Variants in NAP1L1 observed in about 807,000 individuals in gnomAD.
NAP1L1 encodes the protein nucleosome assembly protein 1-like 1.
NAP1L1 carries 9 observed loss-of-function variants against 58.9 expected under a neutral mutation model. The ratio of observed to expected loss-of-function variants is 0.15; its 90% CI spans 0.09 to 0.27. The LOEUF (loss-of-function observed/expected upper bound fraction) is 0.27, where lower values mean the gene tolerates loss of function less well. Among genes scored for constraint, NAP1L1 ranks in the 10% least tolerant of loss-of-function variants. The probability of loss-of-function intolerance (pLI) is 1.00; values close to 1 mark genes in which losing one functional copy is unlikely to be tolerated. For synonymous variants in NAP1L1, 130 were observed against 138.3 expected (o/e 0.94, Z 0.42); for missense variants, 302 against 458.8 (o/e 0.66, Z 3.12).
At chr12:76,051,002 GAAA>G (rs57970257) in intron 11 of NAP1L1, among the ~76,000 whole-genome samples, 3 of 83,722 alleles carry the variant, frequency 3.6e-5, no homozygotes, top group African/African-American at 4.0e-5. Flanking sequence ...CTGGGCAACC[GAAA>G]AAAAAAAAAA....
Position 76,038,537 on chromosome 12 carries a change from T to G in NAP1L1, c.*9892A>C, listed in dbSNP as rs1948519882. 1 of 152,138 alleles carries G rather than the reference T, an allele frequency of 6.6e-6. No homozygotes were observed. The highest frequency in any genetic ancestry group is 6.6e-5 in the Admixed American group (1 of 15,266). The allele number at this position is 152,138 out of a possible 1,614,324, so 9.4% of individuals were successfully genotyped here. ...GACATATAGCAGTGAGTGTAGACAA[T>G]TCCTCCCAAAAACATGAGAATAAAG... On this transcript the variant is annotated 3_prime_UTR_variant, in exon 15 of 15. Transcript: ENST00000618691.
rs977875576 is a variant in NAP1L1, at chr12:76,038,468, A to T, written c.*9961T>A. 1.3e-5 allele frequency: 2 copies of T among 152,220 alleles called. No individual in the cohort carries two copies. Among genetic ancestry groups the T allele is most frequent in the African/African-American group, 4.8e-5 (2 of 41,454 alleles). 9.4% of individuals were successfully genotyped at this position (152,220 alleles called of 1,614,324 possible). On this transcript the variant is annotated 3_prime_UTR_variant, in exon 15 of 15. Transcript: ENST00000618691. Reference sequence around the variant, plus strand: ...TGATCACTATTGATCTCTGTAAGAAAAAAAAATCCAGTAATGGGCAAATAC... The same window carrying T: ...TGATCACTATTGATCTCTGTAAGAATAAAAAATCCAGTAATGGGCAAATAC...
intron 9 of NAP1L1, 100 bp from the exon 10 acceptor site, chr12:76,053,450 G>C: frequency 7.4e-7 from 1 of 1,355,598 alleles, no homozygotes; most frequent in Non-Finnish European, 1.0e-6. Flanking sequence ...TTTTAGAAGG[G>C]TGAATTGCTT....
At chr12:76,054,821 TTGTC>T (rs1358702275) in intron 8 of NAP1L1, among the ~76,000 whole-genome samples, 194 bp downstream of exon 8, 1 of 152,182 alleles carries the variant, frequency 6.6e-6, no homozygotes, top group African/African-American at 2.4e-5. Context: ...GGAACAAGGA[TTGTC>T]TGTGTTTCAA....
In NAP1L1 at chr12:76,042,374, C is replaced by CAGGT. The variant is rs1190209984; in HGVS notation, c.*6051_*6054dup. On this transcript the variant is annotated 3_prime_UTR_variant, in exon 15 of 15. Transcript: ENST00000618691. ...GATGAAAAGACTGATGCTGAACCAA[C>CAGGT]AGGTGGTAGACAGACTCTAAAGCCT... 6.6e-6 allele frequency: 1 copy of CAGGT among 152,208 alleles called. No individual in the cohort carries two copies. The highest frequency in any genetic ancestry group is 2.4e-5 in the African/African-American group (1 of 41,440). The allele number at this position is 152,208 out of a possible 1,614,324, so 9.4% of individuals were successfully genotyped here.
intron 4 of NAP1L1, among the ~76,000 whole-genome samples, chr12:76,064,765 TGA>T (rs1949585663): frequency 6.6e-6 from 1 of 151,816 alleles, no homozygotes; most frequent in Non-Finnish European, 1.5e-5. Context: ...CCAAAACTGA[TGA>T]GAGAACTTGA....
intron 14 of NAP1L1, 99 bp from the exon 15 acceptor site, chr12:76,048,563 T>C: frequency 1.6e-6 from 2 of 1,234,168 alleles, no homozygotes; most frequent in Non-Finnish European, 2.4e-6. Flanking sequence ...TAGCTCACTG[T>C]TGTCAAAAGA....
At position 76,045,337 on chromosome 12, in the gene NAP1L1, T is replaced by C. The variant is rs1948590228; in HGVS notation, c.*3092A>G. On this transcript the variant is annotated 3_prime_UTR_variant, in exon 15 of 15. Transcript: ENST00000618691. ...CCCTGAAACCAAAGCATTCAAATAT[T>C]TGAATATTAGTTCAATATTTCTACA... 6.6e-6 allele frequency: 1 copy of C among 152,120 alleles called. No individual in the cohort carries two copies. Among genetic ancestry groups the C allele is most frequent in the Admixed American group, 6.5e-5 (1 of 15,282 alleles). 9.4% of individuals were successfully genotyped at this position (152,120 alleles called of 1,614,324 possible). A position where few individuals can be genotyped will look rare whatever the true frequency, so the allele number is the denominator to read the frequency against.
intron 4 of NAP1L1, among the ~76,000 whole-genome samples, chr12:76,062,377 A>AAT (rs1949457347): frequency 2.6e-5 from 4 of 152,148 alleles, no homozygotes; most frequent in African/African-American, 4.8e-5. Flanking sequence ...ATTTCTCCCC[A>AAT]AATATTCATT....
At chr12:76,051,532 A>T (rs1020162784) in intron 11 of NAP1L1, among the ~76,000 whole-genome samples, 2 of 152,160 alleles carry the variant, frequency 1.3e-5, no homozygotes, top group Non-Finnish European at 2.9e-5. Flanking sequence ...ATACTAACTA[A>T]ATCAGGTGCC....
chr12:76,076,897 T>C (rs1327349611), intron 1 of NAP1L1, among the ~76,000 whole-genome samples: 5 of 152,280 alleles, frequency 3.3e-5, no homozygotes, highest in East Asian at 3.9e-4. Context: ...TGTGACTGTA[T>C]TGAATACCAT....
rs1948524765 is a variant in NAP1L1 at position 76,038,790 on chromosome 12, G to GC, written c.*9638dup. Reference sequence around the variant, plus strand: ...CAGAAAAAGAAATCCCATTAGAACCGCCCCCATCACAATAACTACCTAAGT... The same window carrying GC: ...CAGAAAAAGAAATCCCATTAGAACCGCCCCCCATCACAATAACTACCTAAGT... On this transcript the variant is annotated 3_prime_UTR_variant, in exon 15 of 15. Transcript: ENST00000618691. The GC allele has an allele frequency of 6.6e-6, 1 of 152,020 alleles. No individual in the cohort carries two copies. The highest frequency in any genetic ancestry group is 2.4e-5 in the African/African-American group (1 of 41,372). 9.4% of individuals were successfully genotyped at this position (152,020 alleles called of 1,614,324 possible).
chr12:76,080,719 T>C (rs530865322), intron 1 of NAP1L1, among the ~76,000 whole-genome samples: 111 of 152,312 alleles, frequency 7.3e-4, no homozygotes, highest in Non-Finnish European at 1.3e-3. Context: ...TGGAGTGCTT[T>C]TGAATTTCAT....
At chr12:76,057,455 A>G (rs1949164426) in intron 6 of NAP1L1, 1 of 612,116 alleles carries the variant, frequency 1.6e-6, no homozygotes, top group Non-Finnish European at 3.0e-6. Context: ...TGGCCGGGGA[A>G]ACGAGTTGCA....
intron 1 of NAP1L1, among the ~76,000 whole-genome samples, chr12:76,078,841 C>G (rs746825309): frequency 6.6e-6 from 1 of 152,148 alleles, no homozygotes; most frequent in Non-Finnish European, 1.5e-5. Context: ...CTAATAAAGA[C>G]TTCATACAAG....
intron 6 of NAP1L1, chr12:76,058,219 ATATATGTAT>A: frequency 5.8e-6 from 1 of 172,538 alleles, no homozygotes; most frequent in Non-Finnish European, 1.3e-5. Context: ...ATATATATAT[ATATATGTAT>A]TCTACAGTAA....
intron 6 of NAP1L1, chr12:76,057,714 G>T (rs759867796): frequency 1.3e-6 from 2 of 1,539,104 alleles, no homozygotes; most frequent in Admixed American, 2.0e-5. Flanking sequence ...GATTAGAGAA[G>T]AATTTTCCAA....
chr12:76,065,597 T>C (rs977411844), intron 4 of NAP1L1, among the ~76,000 whole-genome samples: 1 of 148,996 alleles, frequency 6.7e-6, no homozygotes, highest in Admixed American at 6.7e-5. Context: ...ACAAAAAAGA[T>C]GCTATTCACA....
intron 1 of NAP1L1, among the ~76,000 whole-genome samples, chr12:76,078,743 G>C (rs1474086209): frequency 6.6e-6 from 1 of 152,104 alleles, no homozygotes; most frequent in Admixed American, 6.5e-5. Flanking sequence ...ATGAAGCCTA[G>C]AAGAAAACTT....
Sources: gnomAD v4.1 joint callset for allele counts (sites outside exome capture counted in the v4.1 genomes callset) on GRCh38, gnomAD v4.1.1 for gene constraint, MANE v1.5 for transcripts, NCBI Gene and HGNC (gene_info 2026-07-23, HGNC 2026-07-21) for gene names.